Variants in DSCAM observed in about 807,000 individuals in gnomAD.
DSCAM encodes cell adhesion molecule DSCAM.
A neutral mutation model predicts 217.7 loss-of-function variants in DSCAM; 47 were observed. That is an observed-to-expected ratio of 0.22 (90% CI 0.17 to 0.28). The LOEUF (loss-of-function observed/expected upper bound fraction) is 0.28. Among genes scored for constraint, DSCAM ranks in the 10% least tolerant of loss-of-function variants. DSCAM has a pLI of 1.00. For synonymous variants in DSCAM, 1,056 were observed against 1,015.3 expected, an observed-to-expected ratio of 1.04 and a Z score of -0.76; for missense variants, 2,080 against 2,618.3, an observed-to-expected ratio of 0.79 and a Z score of 4.49.
intron 3 of DSCAM, among the ~76,000 whole-genome samples, chr21:40,555,629 TTTG>T (rs1367063905): frequency 7.9e-5 from 12 of 152,110 alleles, no homozygotes; most frequent in South Asian, 2.1e-4. Context: ...ACCAACGTTT[TTTG>T]TTGTTGTTTG....
intron 11 of DSCAM, among the ~76,000 whole-genome samples, chr21:40,236,889 C>T (rs116525917): frequency 1.4e-3 from 208 of 152,228 alleles, no homozygotes; most frequent in African/African-American, 4.6e-3. Flanking sequence ...GAGAACAGTG[C>T]GAGAAGCCAT....
chr21:40,532,866 CTCTGTG>C lies in DSCAM; in HGVS notation c.508+159938_508+159943del, dbSNP rs1057375543. On this transcript the variant is annotated intron_variant, in intron 3 of 32. Transcript: ENST00000400454. ...GTGGTGCTTCAAAACAGCCACAAGG[CTCTGTG>C]TGTGTGTGTGTGTGTGTGTGTGTGT... Among the ~76,000 whole-genome samples the C allele has an allele frequency of 5.9e-4, 61 of 103,854 alleles. No individual in the cohort carries two copies. In the South Asian group the frequency reaches 0.016, roughly 27 times the overall value. 68.1% of individuals were successfully genotyped at this position (103,854 alleles called of 152,430 possible).
intron 21 of DSCAM, among the ~76,000 whole-genome samples, chr21:40,089,364 C>A (rs1396910799): frequency 6.6e-6 from 1 of 152,198 alleles, no homozygotes; most frequent in Non-Finnish European, 1.5e-5. Context: ...TTTTGACAAG[C>A]ATCCCAGGTG....
At chr21:40,728,427 T>G (rs1569005244) in intron 1 of DSCAM, among the ~76,000 whole-genome samples, 1 of 152,092 alleles carries the variant, frequency 6.6e-6, no homozygotes, top group Non-Finnish European at 1.5e-5. Context: ...TTCTTTTTTT[T>G]TTTTATTTTG....
At chr21:40,013,721 G>C (rs538879606) in intron 32 of DSCAM, among the ~76,000 whole-genome samples, 11 of 152,312 alleles carry the variant, frequency 7.2e-5, no homozygotes, top group South Asian at 6.2e-4. Flanking sequence ...GTGTCCACTG[G>C]GTACGAACGG....
intron 30 of DSCAM, among the ~76,000 whole-genome samples, chr21:40,048,806 G>A (rs1310679163): frequency 1.3e-5 from 2 of 152,206 alleles, no homozygotes; most frequent in Non-Finnish European, 1.5e-5. Flanking sequence ...GGGCAGAGGT[G>A]AGAAGCTCTG....
chr21:40,838,948 C>T (rs1239278133), intron 1 of DSCAM, among the ~76,000 whole-genome samples: 1 of 152,116 alleles, frequency 6.6e-6, no homozygotes, highest in Non-Finnish European at 1.5e-5. Context: ...ACCAGGAAAA[C>T]CAGAATGCTA....
chr21:40,217,194 A>AT (rs1377257119), intron 11 of DSCAM, among the ~76,000 whole-genome samples: 1 of 152,204 alleles, frequency 6.6e-6, no homozygotes, highest in Non-Finnish European at 1.5e-5. Context: ...TCTTGATTAT[A>AT]TTTTTCTGAT....
intron 3 of DSCAM, among the ~76,000 whole-genome samples, chr21:40,394,765 G>T (rs1230865706): frequency 6.6e-6 from 1 of 152,200 alleles, no homozygotes; most frequent in Non-Finnish European, 1.5e-5. Context: ...GAAGACAGGG[G>T]AGAGGGAGAT....
intron 3 of DSCAM, among the ~76,000 whole-genome samples, chr21:40,545,654 G>T (rs972165045): frequency 2.0e-5 from 3 of 152,166 alleles, no homozygotes; most frequent in African/African-American, 7.2e-5. Flanking sequence ...GCAGGGGTAA[G>T]AATTGTGTGA....
intron 21 of DSCAM, among the ~76,000 whole-genome samples, chr21:40,093,500 T>A (rs2089637105): frequency 6.6e-6 from 1 of 152,202 alleles, no homozygotes; most frequent in Admixed American, 6.5e-5. Context: ...ACTTCCATTG[T>A]AAGGCCACTC....
chr21:40,748,747 T>A (rs1038864837), intron 1 of DSCAM, among the ~76,000 whole-genome samples: 4 of 152,008 alleles, frequency 2.6e-5, no homozygotes, highest in African/African-American at 9.7e-5. Context: ...AAAATTCATA[T>A]GGAAATGCAA....
intron 3 of DSCAM, among the ~76,000 whole-genome samples, chr21:40,440,067 C>T (rs1220955814): frequency 0.036 from 4 of 110 alleles, no homozygotes; most frequent in African/African-American, 0.083. Flanking sequence ...TGTAAAGCAA[C>T]CTGGGTCTTC....
At chr21:40,303,262 C>T (rs144582962) in intron 9 of DSCAM, among the ~76,000 whole-genome samples, 1,593 of 152,272 alleles carry the variant, frequency 0.01, 7 homozygotes, top group Non-Finnish European at 0.018. Flanking sequence ...TTTCTGTCCT[C>T]TCTTACTTAA....
intron 16 of DSCAM, among the ~76,000 whole-genome samples, chr21:40,162,586 C>A (rs2090551305): frequency 6.6e-6 from 1 of 152,116 alleles, no homozygotes; most frequent in African/African-American, 2.4e-5. Flanking sequence ...GTAATGATGC[C>A]TCAATTAGCT....
At chr21:40,264,468 T>C (rs2073495853) in intron 11 of DSCAM, among the ~76,000 whole-genome samples, 1 of 152,140 alleles carries the variant, frequency 6.6e-6, no homozygotes, top group South Asian at 2.1e-4. Flanking sequence ...TATGATCATC[T>C]CAATAGAGGC....
intron 15 of DSCAM, among the ~76,000 whole-genome samples, chr21:40,172,343 T>C (rs1050533591): frequency 6.6e-6 from 1 of 152,222 alleles, no homozygotes; most frequent in Non-Finnish European, 1.5e-5. Context: ...TGTAAAGCAG[T>C]AATAAGCGAA....
At chr21:40,247,666 T>C (rs899164467) in intron 11 of DSCAM, among the ~76,000 whole-genome samples, 2 of 152,204 alleles carry the variant, frequency 1.3e-5, no homozygotes, top group African/African-American at 2.4e-5. Context: ...GCTGCTTTCA[T>C]GGGCTGGTGT....
rs1472769840 is a variant in DSCAM at position 40,055,727 on chromosome 21, A to G, written c.5033T>C (p.Ile1678Thr). 14 of 1,610,560 alleles carry G rather than the reference A, an allele frequency of 8.7e-6. No individual in the cohort carries two copies. The East Asian group carries it at 2.9e-4, about 33-fold the overall frequency. Residue 1678 changes from isoleucine to threonine, a missense_variant and splice_region_variant, in exon 29 of 33, where the codon ATT becomes ACT. Transcript: ENST00000400454. ...AAGTGGCAAATAGGGCAGCTTACCA[A>G]TGGTCTCCATCGTGTCTCTCTCTTC... ...LIEERDTMET[I>T]DDRSTVLLTD...
Sources: gnomAD v4.1 joint callset for allele counts (sites outside exome capture counted in the v4.1 genomes callset) on GRCh38, gnomAD v4.1.1 for gene constraint, MANE v1.5 for transcripts, NCBI Gene and HGNC (gene_info 2026-07-23, HGNC 2026-07-21) for gene names.